Variants in NSMCE2 observed in about 807,000 individuals in gnomAD.
The protein encoded by NSMCE2 is E3 SUMO-protein ligase NSE2.
NSMCE2 carries 24 observed loss-of-function variants against 23.8 expected under a neutral mutation model. The observed-to-expected ratio is 1.01, with a 90% CI of 0.73 to 1.42. The LOEUF (loss-of-function observed/expected upper bound fraction) is 1.42. NSMCE2 is among the 40% of genes most tolerant of loss of function. The pLI is 0.00. For missense variants in NSMCE2, 284 were observed against 296.5 expected (o/e 0.96, Z 0.31); for synonymous variants, 92 against 94.1 (o/e 0.98, Z 0.13).
At chr8:125,319,022 A>G (rs553962975) in intron 5 of NSMCE2, among the ~76,000 whole-genome samples, 7 of 152,312 alleles carry the variant, frequency 4.6e-5, no homozygotes, top group Non-Finnish European at 7.4e-5. Context: ...GGAAAGAGCT[A>G]TCTAATGGAT....
chr8:125,236,407 A>G (rs1389179330), intron 5 of NSMCE2, among the ~76,000 whole-genome samples: 1 of 152,170 alleles, frequency 6.6e-6, no homozygotes, highest in Non-Finnish European at 1.5e-5. Context: ...TGTGTATTTC[A>G]TGTAAATGAG....
chr8:125,342,550 C>G (rs1004959676), intron 5 of NSMCE2, among the ~76,000 whole-genome samples: 1 of 152,134 alleles, frequency 6.6e-6, no homozygotes, highest in Admixed American at 6.5e-5. Flanking sequence ...CTTTGTTCTA[C>G]GATGCTGACT....
At chr8:125,160,375 G>T (rs538174919) in intron 4 of NSMCE2, among the ~76,000 whole-genome samples, 4 of 152,350 alleles carry the variant, frequency 2.6e-5, no homozygotes, top group African/African-American at 9.6e-5. Flanking sequence ...GGAGAGTAGA[G>T]TGGGCAGCAG....
chr8:125,317,440 A>G (rs1586759948), intron 5 of NSMCE2, among the ~76,000 whole-genome samples: 2 of 151,964 alleles, frequency 1.3e-5, no homozygotes, highest in South Asian at 4.1e-4. Flanking sequence ...CAATTGATCC[A>G]CCCGCCTTGG....
At chr8:125,272,161 C>T (rs1025968402) in intron 5 of NSMCE2, among the ~76,000 whole-genome samples, 2 of 151,788 alleles carry the variant, frequency 1.3e-5, no homozygotes, top group Non-Finnish European at 2.9e-5. Flanking sequence ...CTACAGGCGC[C>T]CACCATCATG....
chr8:125,254,773 G>T (rs1211779755), intron 5 of NSMCE2, among the ~76,000 whole-genome samples: 1 of 152,264 alleles, frequency 6.6e-6, no homozygotes, highest in East Asian at 1.9e-4. Flanking sequence ...GACTGAGACT[G>T]TGACGTTCTA....
At chr8:125,219,092 C>T (rs116139946) in intron 5 of NSMCE2, among the ~76,000 whole-genome samples, 4 of 152,202 alleles carry the variant, frequency 2.6e-5, no homozygotes, top group African/African-American at 9.6e-5. Flanking sequence ...AACACCAGTC[C>T]ACTAAATCTA....
Position 125,235,778 on chromosome 8 carries a change from A to G in NSMCE2, c.418+53522A>G, listed in dbSNP as rs566072151. 5.0e-4 allele frequency among the ~76,000 whole-genome samples: 76 copies of G among 152,352 alleles called. 1 individual carries two copies. The highest frequency in any genetic ancestry group is 1.8e-3 in the African/African-American group (74 of 41,588). On this transcript the variant is annotated intron_variant, in intron 5 of 7. Transcript: ENST00000287437. ...AAATGGAAAGTCCTCAAGAGCAGGA[A>G]TGGTTACATACTCATTCTCTTTTCC...
intron 4 of NSMCE2, among the ~76,000 whole-genome samples, chr8:125,164,612 T>A (rs1821781163): frequency 6.6e-6 from 1 of 152,188 alleles, no homozygotes; most frequent in South Asian, 2.1e-4. Flanking sequence ...AGAATACTGT[T>A]ATATGTAACG....
intron 5 of NSMCE2, among the ~76,000 whole-genome samples, chr8:125,226,856 T>C (rs1272249112): frequency 6.6e-6 from 1 of 152,090 alleles, no homozygotes; most frequent in African/African-American, 2.4e-5. Flanking sequence ...TCTCCCTTAG[T>C]TTCCTCTTTT....
chr8:125,213,347 G>A (rs1824427632), intron 5 of NSMCE2, among the ~76,000 whole-genome samples: 1 of 152,112 alleles, frequency 6.6e-6, no homozygotes, highest in Admixed American at 6.6e-5. Context: ...CAAAGGTTTA[G>A]CTGTTTTAAA....
At chr8:125,156,301 T>A (rs1425922675) in intron 4 of NSMCE2, 1 of 165,772 alleles carries the variant, frequency 6.0e-6, no homozygotes, top group African/African-American at 2.4e-5. Context: ...TTTTCAGAAT[T>A]TACCTGTATA....
chr8:125,146,786 A>G (rs996222993), intron 3 of NSMCE2, among the ~76,000 whole-genome samples: 6 of 152,138 alleles, frequency 3.9e-5, no homozygotes, highest in Admixed American at 6.5e-5. Flanking sequence ...TAGGAGATAT[A>G]CCTAATGTTA....
chr8:125,227,304 A>G (rs1443206264), intron 5 of NSMCE2, among the ~76,000 whole-genome samples: 2 of 152,096 alleles, frequency 1.3e-5, no homozygotes, highest in Non-Finnish European at 2.9e-5. Context: ...ATGGTAGCTT[A>G]GTGTCTCCAT....
At chr8:125,166,741 C>A (rs1396513762) in intron 4 of NSMCE2, among the ~76,000 whole-genome samples, 2 of 152,124 alleles carry the variant, frequency 1.3e-5, no homozygotes, top group East Asian at 1.9e-4. Flanking sequence ...GGGGTACTCC[C>A]CAGTGGTCCC....
rs145712796 is a variant in NSMCE2, at chr8:125,356,573, C to T, written c.419-646C>T. 1.2e-3 allele frequency among the ~76,000 whole-genome samples: 178 copies of T among 152,202 alleles called. 2 individuals carry two copies. Among genetic ancestry groups the T allele is most frequent in the African/African-American group, 4.2e-3 (174 of 41,536 alleles). ...CGATCTCTTGACCTCGTGATCCGCC[C>T]ACCTCAGCCTCCCAAAGTGCTGGGA... On this transcript the variant is annotated intron_variant, in intron 5 of 7. Transcript: ENST00000287437.
chr8:125,209,225 G>A (rs1194053069), intron 5 of NSMCE2, among the ~76,000 whole-genome samples: 1 of 152,182 alleles, frequency 6.6e-6, no homozygotes, highest in South Asian at 2.1e-4. Context: ...CTGTAGCCAT[G>A]TATTGATTGA....
intron 4 of NSMCE2, among the ~76,000 whole-genome samples, chr8:125,154,082 A>G (rs1212748214): frequency 1.3e-5 from 2 of 152,292 alleles, no homozygotes; most frequent in East Asian, 3.9e-4. Context: ...TACAAGTCCC[A>G]TTTAACCCAC....
chr8:125,181,413 G>A (rs1327936672), intron 4 of NSMCE2, among the ~76,000 whole-genome samples: 2 of 152,200 alleles, frequency 1.3e-5, no homozygotes, highest in African/African-American at 4.8e-5. Flanking sequence ...GAATAGATAT[G>A]TGATAACATA....
Sources: allele counts gnomAD v4.1 joint callset (sites outside exome capture counted in the v4.1 genomes callset), GRCh38; gene constraint gnomAD v4.1.1; transcripts MANE v1.5; gene names NCBI Gene and HGNC (gene_info 2026-07-23, HGNC 2026-07-21).